Variants in CTTN observed in about 807,000 individuals in gnomAD.
The protein encoded by CTTN is src substrate cortactin.
Under a neutral mutation model 84.0 loss-of-function variants are expected in CTTN, and 28 were observed. The ratio of observed to expected loss-of-function variants is 0.33; its 90% CI spans 0.25 to 0.46. The LOEUF (loss-of-function observed/expected upper bound fraction) is 0.46, where lower values mean the gene tolerates loss of function less well. Among genes scored for constraint, CTTN ranks in the 20% least tolerant of loss-of-function variants. CTTN has a pLI of 1.00. For missense variants in CTTN, 641 were observed against 723.8 expected, an observed-to-expected ratio of 0.89 and a Z score of 1.31; for synonymous variants, 301 against 288.8, an observed-to-expected ratio of 1.04 and a Z score of -0.43.
rs763719111 is a variant in CTTN at position 70,425,387 on chromosome 11, T to C, written c.1013T>C (p.Val338Ala). The change falls in exon 13 of 18, where the codon GTA becomes GCA. Residue 338 changes from valine to alanine, a missense_variant. By Grantham distance (64) the Val-to-Ala change is moderately conservative (BLOSUM62 0). This residue lies in a region of CTTN where 289 missense variants were observed against 273.1 expected (regional missense o/e 1.06). Coordinates refer to ENST00000301843, the MANE Select transcript of CTTN (RefSeq NM_005231.4). ...TQVSSAYQKT[V>A]PVEAVTSKTS... ...GTGTCCTCTGCCTACCAGAAGACAG[T>C]ACCTGTCGAAGCTGGTGAGTCCCGG... 1 of 1,611,762 alleles carries C rather than the reference T, an allele frequency of 6.2e-7. No individual in the cohort carries two copies. Among genetic ancestry groups the C allele is most frequent in the South Asian group, 1.1e-5 (1 of 90,290 alleles).
chr11:70,423,945 G>A (rs2058272432), intron 12 of CTTN, among the ~76,000 whole-genome samples: 1 of 152,286 alleles, frequency 6.6e-6, no homozygotes, highest in East Asian at 1.9e-4. Flanking sequence ...CCTGAAGAGA[G>A]CTGGAGGGGC....
chr11:70,416,926 C>A, intron 7 of CTTN, 87 bp from the exon 8 acceptor site: 1 of 896,188 alleles, frequency 1.1e-6, no homozygotes. Context: ...TGAGTTGTAA[C>A]CCCTACACAC....
chr11:70,411,169 T>G (rs537526816), intron 5 of CTTN, among the ~76,000 whole-genome samples: 2 of 146,270 alleles, frequency 1.4e-5, no homozygotes, highest in Admixed American at 1.3e-4. Flanking sequence ...CTGAGTTCAG[T>G]GCAGCGAGCG....
chr11:70,405,944 C>T (rs1053626547), intron 2 of CTTN, among the ~76,000 whole-genome samples: 2 of 152,222 alleles, frequency 1.3e-5, no homozygotes, highest in African/African-American at 2.4e-5. Flanking sequence ...TGCCATGGGG[C>T]GGCCGGAGAC....
chr11:70,428,855 G>A (rs766443676), intron 13 of CTTN, among the ~76,000 whole-genome samples, 196 bp from the exon 14 acceptor site: 6 of 152,208 alleles, frequency 3.9e-5, no homozygotes, highest in Admixed American at 6.5e-5. Flanking sequence ...CACCAGGTAC[G>A]CAGTGCCCTG....
rs147245146 is a variant in CTTN, at chr11:70,413,487, C to T, written c.292-1055C>T. 3.7e-3 allele frequency among the ~76,000 whole-genome samples: 557 copies of T among 152,306 alleles called. 4 individuals are homozygous for T. The highest frequency in any genetic ancestry group is 5.2e-3 in the Non-Finnish European group (351 of 68,028). On this transcript the variant is annotated intron_variant, in intron 5 of 17. Transcript: ENST00000301843. Reference sequence around the variant, plus strand: ...AGGGTCTCTCAATAGAACTGCCGAACGGAGTTGCTGAATCACACAAGCAGC... The same window carrying T: ...AGGGTCTCTCAATAGAACTGCCGAATGGAGTTGCTGAATCACACAAGCAGC...
intron 8 of CTTN, among the ~76,000 whole-genome samples, chr11:70,418,108 C>T (rs2058184654): frequency 6.7e-6 from 1 of 148,802 alleles, no homozygotes; most frequent in African/African-American, 2.4e-5. Flanking sequence ...GAGAGCTTGA[C>T]TATTTAAAAA....
rs376813795 is a variant in CTTN, at chr11:70,419,770, A to G, written c.593A>G (p.Lys198Arg). The G allele has an allele frequency of 2.8e-5, 45 of 1,611,094 alleles. No homozygotes were observed. The highest frequency in any genetic ancestry group is 3.6e-5 in the Non-Finnish European group (43 of 1,179,456). ...GATTACTCCAAAGGTTTCGGCGGCA[A>G]ATACGGTATCGACAAGGACAAAGTG... The part of the protein sequence containing the change: ...QRDYSKGFGG[K>R]YGIDKDKVDK... The change falls in exon 9 of 18, where the codon AAA (lysine) becomes AGA (arginine). Residue 198 changes from lysine (K) to arginine (R), a missense_variant. Around this residue, in one of 3 missense-constraint regions of CTTN, gnomAD observed 284 missense variants for 348.4 expected, o/e 0.82. Coordinates refer to ENST00000301843, the MANE Select transcript of CTTN (RefSeq NM_005231.4).
At chr11:70,413,102 G>A (rs1007505518) in intron 5 of CTTN, among the ~76,000 whole-genome samples, 6 of 152,332 alleles carry the variant, frequency 3.9e-5, no homozygotes, top group East Asian at 1.9e-4. Context: ...CAAAACAAAC[G>A]TGGGAAGAAG....
At chr11:70,402,102 G>A (rs2057991724) in intron 1 of CTTN, among the ~76,000 whole-genome samples, 1 of 152,172 alleles carries the variant, frequency 6.6e-6, no homozygotes, top group Non-Finnish European at 1.5e-5. Context: ...GCAGTGAGCC[G>A]AGATCGCGCT....
intron 8 of CTTN, among the ~76,000 whole-genome samples, chr11:70,418,509 G>A (rs1203056001): frequency 1.3e-5 from 2 of 152,250 alleles, no homozygotes; most frequent in Admixed American, 6.5e-5. Flanking sequence ...GCCTTGTGCT[G>A]TTAGTGGGTC....
At chr11:70,428,340 A>G (rs1203714562) in intron 13 of CTTN, among the ~76,000 whole-genome samples, 2 of 151,052 alleles carry the variant, frequency 1.3e-5, no homozygotes, top group Admixed American at 6.6e-5. Context: ...TAATTTTTCT[A>G]TTTTTAGTAG....
chr11:70,422,657 T>A lies in CTTN; in HGVS notation c.902-283T>A, dbSNP rs939681812. On this transcript the variant is annotated intron_variant, in intron 11 of 17. Transcript: ENST00000301843. ...GCCTGTCCGTGCCCTCTTTCCTCGC[T>A]TAGCTCCTGCCTGCTGCCCGCCGCC... is the stretch of plus-strand genomic sequence containing the variant. 3 of 1,399,136 alleles carry A rather than the reference T, an allele frequency of 2.1e-6. No individual in the cohort carries two copies. The East Asian group carries it at 1.1e-4, about 49-fold the overall frequency. The allele number at this position is 1,399,136 out of a possible 1,614,324, so 86.7% of individuals were successfully genotyped here.
intron 10 of CTTN, 142 bp downstream of exon 10, chr11:70,420,652 C>T (rs1367676372): frequency 8.9e-6 from 6 of 677,602 alleles, no homozygotes; most frequent in Non-Finnish European, 1.6e-5. Context: ...TGTGTGCCCC[C>T]CCAATCCCCC....
At chr11:70,426,342 C>T (rs1200920871) in intron 13 of CTTN, among the ~76,000 whole-genome samples, 7 of 148,840 alleles carry the variant, frequency 4.7e-5, no homozygotes, top group Admixed American at 2.7e-4. Flanking sequence ...ACCCAGGAGG[C>T]GGAGCTTGCA....
intron 15 of CTTN, among the ~76,000 whole-genome samples, chr11:70,432,577 C>G (rs1224056491): frequency 1.3e-5 from 2 of 152,236 alleles, no homozygotes; most frequent in African/African-American, 4.8e-5. Flanking sequence ...GAGAGGTGTT[C>G]CACTGCGCAC....
intron 4 of CTTN, 163 bp downstream of exon 4, chr11:70,407,754 ATG>A: frequency 3.3e-6 from 2 of 610,366 alleles, no homozygotes; most frequent in Non-Finnish European, 5.8e-6. Flanking sequence ...ACACACATAT[ATG>A]TGTATTTGTG....
chr11:70,416,802 C>A, intron 7 of CTTN: 1 of 540,218 alleles, frequency 1.9e-6, no homozygotes. Context: ...CCTGTAACAG[C>A]TGACAGGGCC....
chr11:70,435,282 G>A lies in CTTN; in HGVS notation c.*120G>A. The stretch of plus-strand genomic sequence containing the variant: ...TTTTTTTTTTTTTTTTTTTTTTGAA[G>A]GTGGGGAGGGGAATATACACATTGC... On this transcript the variant is annotated 3_prime_UTR_variant, in exon 18 of 18. Coordinates refer to ENST00000301843, the MANE Select transcript of CTTN (RefSeq NM_005231.4). 2 of 789,388 alleles carry A rather than the reference G, an allele frequency of 2.5e-6. No homozygotes were observed. Among genetic ancestry groups the A allele is most frequent in the South Asian group, 2.8e-5 (1 of 35,556 alleles). The allele number at this position is 789,388 out of a possible 1,614,324, so 48.9% of individuals were successfully genotyped here.
Sources: allele counts gnomAD v4.1 joint callset (sites outside exome capture counted in the v4.1 genomes callset), GRCh38; gene constraint gnomAD v4.1.1; regional missense constraint gnomAD v4.1.1; transcripts MANE v1.5; gene names NCBI Gene and HGNC (gene_info 2026-07-23, HGNC 2026-07-21).